OXR1: variants seen among roughly 807,000 people sequenced by gnomAD.
OXR1 encodes oxidation resistance protein 1.
A neutral mutation model predicts 104.6 loss-of-function variants in OXR1; 41 were observed. The observed-to-expected ratio is 0.39, with a 90% CI of 0.31 to 0.51. The LOEUF (loss-of-function observed/expected upper bound fraction) is 0.51, where lower values mean the gene tolerates loss of function less well. Ranked by LOEUF, OXR1 falls within the 20% of genes least tolerant of loss-of-function variation. The pLI is 0.77. For synonymous variants in OXR1, 348 were observed against 348.4 expected (o/e 1.00, Z 0.01); for missense variants, 955 against 1,031.9 (o/e 0.93, Z 1.02).
At chr8:106,487,874 A>C (rs1810794551) in intron 2 of OXR1, among the ~76,000 whole-genome samples, 1 of 152,016 alleles carries the variant, frequency 6.6e-6, no homozygotes, top group South Asian at 2.1e-4. Context: ...ATAATGCCGC[A>C]ATAAACATAC....
chr8:106,356,602 C>G (rs1425062368), intron 1 of OXR1, among the ~76,000 whole-genome samples: 10 of 151,836 alleles, frequency 6.6e-5, no homozygotes, highest in Non-Finnish European at 1.3e-4. Context: ...TAGTTTTACA[C>G]TTTCTTATTT....
chr8:106,482,973 C>T lies in OXR1; in HGVS notation c.24-35970C>T, dbSNP rs150311326. Among the ~76,000 whole-genome samples, 33 of 151,980 alleles carry T rather than the reference C, an allele frequency of 2.2e-4. No individual in the cohort carries two copies. The East Asian group carries it at 3.1e-3, about 14-fold the overall frequency. On this transcript the variant is annotated intron_variant, in intron 2 of 16. Coordinates refer to ENST00000517566, the MANE Select transcript of OXR1 (RefSeq NM_001198533.2). ...AAATAATCTTCACAGTTAATGACAC[C>T]GAACATGTGAAAGTGCTTTGAAAAT...
intron 2 of OXR1, among the ~76,000 whole-genome samples, chr8:106,513,421 A>ACACT: frequency 6.6e-6 from 1 of 152,184 alleles, no homozygotes; most frequent in African/African-American, 2.4e-5. Context: ...ACACACACAC[A>ACACT]CACACACACA....
chr8:106,589,670 G>A (rs1172838905), intron 3 of OXR1, among the ~76,000 whole-genome samples: 1 of 152,012 alleles, frequency 6.6e-6, no homozygotes, highest in Non-Finnish European at 1.5e-5. Flanking sequence ...ATAAGCTACT[G>A]TCTTTTCTGC....
chr8:106,358,662 G>T (rs1248900725), intron 1 of OXR1, among the ~76,000 whole-genome samples: 1 of 152,058 alleles, frequency 6.6e-6, no homozygotes, highest in East Asian at 1.9e-4. Flanking sequence ...CAGTACTATG[G>T]AATTAATTTG....
intron 8 of OXR1, 30 bp downstream of exon 8, chr8:106,703,120 C>T (rs1182503655): frequency 1.4e-5 from 21 of 1,456,686 alleles, no homozygotes; most frequent in Non-Finnish European, 1.9e-5. Context: ...TCCTTTGCAA[C>T]TTTATTGTAT....
chr8:106,480,447 T>C (rs1822045211), intron 2 of OXR1, among the ~76,000 whole-genome samples: 1 of 152,044 alleles, frequency 6.6e-6, no homozygotes, highest in Non-Finnish European at 1.5e-5. Flanking sequence ...AATTCTCCTT[T>C]TTTTCCTTAA....
At position 106,309,011 on chromosome 8, in the gene OXR1, C is replaced by T. The variant is rs184717178; in HGVS notation, c.-139+38644C>T. ...TGTTTTTTTTTGAGACAGGGTCTTG[C>T]TCTGTCATACAGGCTGGGCTGCAGT... On this transcript the variant is annotated intron_variant, in intron 1 of 16. Coordinates refer to ENST00000517566, the MANE Select transcript of OXR1 (RefSeq NM_001198533.2). 9.1e-4 allele frequency among the ~76,000 whole-genome samples: 138 copies of T among 151,128 alleles called. 3 individuals carry two copies. The East Asian group carries it at 0.02, about 22-fold the overall frequency.
chr8:106,394,543 C>T (rs182174183), intron 2 of OXR1, among the ~76,000 whole-genome samples: 20 of 152,194 alleles, frequency 1.3e-4, no homozygotes, highest in Admixed American at 7.9e-4. Context: ...TGTCCTCCAA[C>T]TGGTAAGTGG....
intron 2 of OXR1, among the ~76,000 whole-genome samples, chr8:106,460,980 T>TA (rs1820877305): frequency 6.6e-6 from 1 of 151,852 alleles, no homozygotes; most frequent in South Asian, 2.1e-4. Context: ...ATTTTATATT[T>TA]ATATATTTAA....
At chr8:106,413,381 G>A (rs1179785054) in intron 2 of OXR1, among the ~76,000 whole-genome samples, 1 of 152,074 alleles carries the variant, frequency 6.6e-6, no homozygotes, top group Non-Finnish European at 1.5e-5. Context: ...ATGTGCTAAT[G>A]TATGTGCTAG....
At chr8:106,370,060 C>G (rs1816638830) in intron 2 of OXR1, among the ~76,000 whole-genome samples, 1 of 152,014 alleles carries the variant, frequency 6.6e-6, no homozygotes, top group Admixed American at 6.5e-5. Flanking sequence ...TGTTTGTGTC[C>G]TCTGTTATTT....
At chr8:106,351,757 T>G (rs191722213) in intron 1 of OXR1, among the ~76,000 whole-genome samples, 56 of 152,276 alleles carry the variant, frequency 3.7e-4, no homozygotes, top group Non-Finnish European at 2.6e-4. Context: ...ACCACCAGCA[T>G]CTCCTTGTTC....
chr8:106,736,174 C>CGA (rs369119914), intron 11 of OXR1, among the ~76,000 whole-genome samples: 2 of 148,698 alleles, frequency 1.3e-5, no homozygotes, highest in African/African-American at 4.9e-5. Context: ...CACCCCCCCC[C>CGA]ATCCGCCCCC....
At chr8:106,508,081 G>T (rs1191168025) in intron 2 of OXR1, among the ~76,000 whole-genome samples, 1 of 152,118 alleles carries the variant, frequency 6.6e-6, no homozygotes, top group Non-Finnish European at 1.5e-5. Flanking sequence ...GCCAGCTTGG[G>T]GTGGGGTCCT....
intron 2 of OXR1, among the ~76,000 whole-genome samples, chr8:106,491,466 G>GAACT (rs1811082086): frequency 2.0e-5 from 3 of 152,186 alleles, no homozygotes; most frequent in Admixed American, 2.0e-4. Context: ...ATCTGAAATA[G>GAACT]AACTCTTTTA....
chr8:106,510,598 G>C (rs1418624236), intron 2 of OXR1, among the ~76,000 whole-genome samples: 4 of 152,168 alleles, frequency 2.6e-5, no homozygotes, highest in Non-Finnish European at 5.9e-5. Flanking sequence ...AGGTATAATA[G>C]CAGTGAATCT....
intron 9 of OXR1, among the ~76,000 whole-genome samples, chr8:106,709,335 A>G (rs1831467741): frequency 6.6e-6 from 1 of 152,108 alleles, no homozygotes; most frequent in Non-Finnish European, 1.5e-5. Flanking sequence ...TAAAGGCCCT[A>G]AAATTTATTT....
chr8:106,502,806 C>T (rs1216226764), intron 2 of OXR1, among the ~76,000 whole-genome samples: 1 of 152,084 alleles, frequency 6.6e-6, no homozygotes, highest in Non-Finnish European at 1.5e-5. Context: ...TTTCTAATCC[C>T]AGGCTCACTT....
Sources: gnomAD v4.1 joint callset for allele counts (sites outside exome capture counted in the v4.1 genomes callset) on GRCh38, gnomAD v4.1.1 for gene constraint, MANE v1.5 for transcripts, NCBI Gene and HGNC (gene_info 2026-07-23, HGNC 2026-07-21) for gene names.